The following TNS1 variants were observed in gnomAD, a reference collection of about 807,000 sequenced individuals.
The protein encoded by TNS1 is tensin 1.
TNS1 carries 62 observed loss-of-function variants against 168.6 expected under a neutral mutation model. The ratio of observed to expected loss-of-function variants is 0.37; its 90% CI spans 0.30 to 0.45. TNS1 has a LOEUF of 0.45. TNS1 is among the 20% of genes least tolerant of loss of function. The pLI, the probability that TNS1 is intolerant of heterozygous loss-of-function variation, is 1.00. For synonymous variants in TNS1, 934 were observed against 933.2 expected, an observed-to-expected ratio of 1.00 and a Z score of -0.02; for missense variants, 2,240 against 2,339.4, an observed-to-expected ratio of 0.96 and a Z score of 0.88.
At chr2:217,936,560 C>T (rs898983931) in intron 3 of TNS1, among the ~76,000 whole-genome samples, 1 of 152,130 alleles carries the variant, frequency 6.6e-6, no homozygotes, top group Non-Finnish European at 1.5e-5. Flanking sequence ...TCCAGGAACC[C>T]AGGCCCTGGC....
At chr2:217,994,740 ATTTCCCC>A in intron 1 of TNS1, among the ~76,000 whole-genome samples, 1 of 152,130 alleles carries the variant, frequency 6.6e-6, no homozygotes, top group Non-Finnish European at 1.5e-5. Flanking sequence ...TTTACAAAAT[ATTTCCCC>A]CCTGGGGCCT....
At chr2:217,817,545 G>T in intron 24 of TNS1, 145 bp downstream of exon 24, 1 of 675,310 alleles carries the variant, frequency 1.5e-6, no homozygotes, top group Non-Finnish European at 2.5e-6. Context: ...TCTTTATACG[G>T]ATAAAGAAAC....
rs776818424 is a variant in TNS1, at chr2:217,813,193, T to TG, written c.4954+21dup. ...CAAGACTCAGGCCAGACTGTAGAGATGGGGGCAGGGGGACAGCTCACCGAA... is the reference window on the plus strand; with the variant it reads ...CAAGACTCAGGCCAGACTGTAGAGATGGGGGGCAGGGGGACAGCTCACCGAA... On this transcript the variant is annotated intron_variant, in intron 27 of 32. Coordinates refer to ENST00000682258, the MANE Select transcript of TNS1 (RefSeq NM_001387777.1). This position sits in a 1 kb window ranked among gnomAD's most constrained non-coding sequence, Gnocchi z 4.0. The TG allele has an allele frequency of 6.1e-5, 97 of 1,578,294 alleles. No individual in the cohort carries two copies. The highest frequency in any genetic ancestry group is 5.2e-4 in the Middle Eastern group (3 of 5,800).
rs1953748644 is a variant in TNS1 at position 217,906,693 on chromosome 2, AG to A, written c.271-309del. On this transcript the variant is annotated intron_variant, in intron 5 of 32. Transcript: ENST00000682258. ...CATAATTAGAACCTTGGCAGAGTCA[AG>A]ATTTGAACCGAAGTCCTTCATCTCC... 2.0e-5 allele frequency among the ~76,000 whole-genome samples: 3 copies of A among 152,282 alleles called. No individual in the cohort carries two copies. In the South Asian group the frequency reaches 6.2e-4, roughly 32 times the overall value.
chr2:217,875,992 T>A (rs1950172184), intron 18 of TNS1, among the ~76,000 whole-genome samples: 1 of 152,180 alleles, frequency 6.6e-6, no homozygotes, highest in Admixed American at 6.5e-5. Flanking sequence ...AGGTTTGTCA[T>A]TCCCCTGAGT....
At chr2:217,980,046 A>G (rs1254121405) in intron 2 of TNS1, among the ~76,000 whole-genome samples, 1 of 152,056 alleles carries the variant, frequency 6.6e-6, no homozygotes, top group Non-Finnish European at 1.5e-5. Flanking sequence ...CTGAGGCAGA[A>G]GGGGCTGGGC....
At chr2:218,019,706 A>T (rs956731471) in intron 1 of TNS1, among the ~76,000 whole-genome samples, 7 of 152,194 alleles carry the variant, frequency 4.6e-5, no homozygotes, top group Non-Finnish European at 1.0e-4. Context: ...GGAGTCCATA[A>T]AGGGGAAATC....
chr2:217,847,370 G>A, intron 19 of TNS1, 140 bp downstream of exon 19: 1 of 752,628 alleles, frequency 1.3e-6, no homozygotes, highest in South Asian at 4.9e-5. Context: ...AGGGATAACT[G>A]GCTAGCATAT....
At position 217,811,512 on chromosome 2, in the gene TNS1, A is replaced by T. The variant is rs1038383650; in HGVS notation, c.5032+856T>A. Among the ~76,000 whole-genome samples the T allele has an allele frequency of 3.3e-5, 5 of 152,294 alleles. No individual in the cohort carries two copies. In the South Asian group the frequency reaches 8.3e-4, roughly 25 times the overall value. Reference sequence around the variant, plus strand: ...AGCCCCAGGAGCTCCAAGAAAGACTAGAAAAAAATCCTAGGGCCACAGCCT... The same window carrying T: ...AGCCCCAGGAGCTCCAAGAAAGACTTGAAAAAAATCCTAGGGCCACAGCCT... On this transcript the variant is annotated intron_variant, in intron 28 of 32. Transcript: ENST00000682258.
intron 4 of TNS1, among the ~76,000 whole-genome samples, chr2:217,917,501 T>A (rs1438312991): frequency 6.6e-6 from 1 of 151,960 alleles, no homozygotes; most frequent in Non-Finnish European, 1.5e-5. Flanking sequence ...GGAGACTGGG[T>A]GCTGGGGAAA....
In TNS1 at chr2:217,821,445, G is replaced by C. The variant is rs541406673; in HGVS notation, c.3572+295C>G. On this transcript the variant is annotated intron_variant, in intron 23 of 32. Transcript: ENST00000682258. ...ATTACTGTTGGTAGATTTTCAACTT[G>C]GGGAAGGACTTTGCCACATTCACCG... Among the ~76,000 whole-genome samples, 10 of 152,292 alleles carry C rather than the reference G, an allele frequency of 6.6e-5. No homozygotes were observed. The East Asian group carries it at 1.7e-3, about 26-fold the overall frequency.
intron 9 of TNS1, 112 bp from the exon 10 acceptor site, chr2:217,893,673 G>A: frequency 6.9e-6 from 10 of 1,445,492 alleles, no homozygotes; most frequent in Non-Finnish European, 8.3e-6. Flanking sequence ...CGCAGCTGCT[G>A]GTTCCTGCCA....
intron 4 of TNS1, among the ~76,000 whole-genome samples, chr2:217,917,041 C>CCCGT (rs1392292716): frequency 1.3e-5 from 2 of 152,236 alleles, no homozygotes; most frequent in African/African-American, 4.8e-5. Flanking sequence ...GCCTCGCCCG[C>CCCGT]CCGTGAGGAA....
intron 17 of TNS1, 65 bp downstream of exon 17, chr2:217,882,281 G>A: frequency 9.0e-7 from 1 of 1,116,254 alleles, no homozygotes; most frequent in Non-Finnish European, 1.3e-6. Flanking sequence ...GGGGTGGAAG[G>A]GTGCTGGGGA....
intron 18 of TNS1, among the ~76,000 whole-genome samples, chr2:217,868,091 G>T (rs571879510): frequency 2.0e-4 from 30 of 152,386 alleles, no homozygotes; most frequent in African/African-American, 5.8e-4. Flanking sequence ...CCGGTACAGA[G>T]TAAGCACTCA....
At chr2:217,912,722 TGTGAGATGGCAC>T (rs778381089) in intron 4 of TNS1, among the ~76,000 whole-genome samples, 37 of 152,310 alleles carry the variant, frequency 2.4e-4, no homozygotes, top group Non-Finnish European at 5.0e-4. Context: ...CATGGCAGGC[TGTGAGATGGCAC>T]GTTAGAGGTG....
In TNS1 at chr2:217,974,148, C is replaced by A. The variant is rs374716532; in HGVS notation, c.186+4617G>T. The stretch of plus-strand genomic sequence containing the variant: ...TTTGGGGTATATTGACTTGAAGGAA[C>A]ATAAGGGTTGCTTTTTGGGTGCTGG... On this transcript the variant is annotated intron_variant, in intron 3 of 32. Coordinates refer to ENST00000682258, the MANE Select transcript of TNS1 (RefSeq NM_001387777.1). 5.9e-5 allele frequency among the ~76,000 whole-genome samples: 9 copies of A among 152,182 alleles called. No individual in the cohort carries two copies. In the East Asian group the frequency reaches 1.3e-3, roughly 23 times the overall value.
rs1957165749 is a variant in TNS1 at position 217,948,391 on chromosome 2, T to C, written c.187-28155A>G. On this transcript the variant is annotated intron_variant, in intron 3 of 32. Transcript: ENST00000682258. This position sits in a 1 kb window ranked among gnomAD's most constrained non-coding sequence, Gnocchi z 4.1. ...GGGAGAGGCCACTGGGGCACCGCTC[T>C]GCTTCCTTCCCAAGATGTCCTGGGG... is the stretch of plus-strand genomic sequence containing the variant. 6.6e-6 allele frequency among the ~76,000 whole-genome samples: 1 copy of C among 152,306 alleles called. No individual in the cohort carries two copies. Among genetic ancestry groups the C allele is most frequent in the East Asian group, 1.9e-4 (1 of 5,186 alleles).
In TNS1 at chr2:217,847,613, A is replaced by G; in HGVS notation, c.2904T>C (p.Thr968=). ...CCTTTGGTGAGAGCAGAGGCTGAGC[A>G]GTGAGGCCAGGGAGAGAGGCTGGGG... The part of the protein sequence containing the change: ...QQPPASLPGL[T]AQPLLSPKEA... The change falls in exon 19 of 33, where the codon ACT becomes ACC. Residue 968 remains threonine (T), a synonymous_variant. Coordinates refer to ENST00000682258, the MANE Select transcript of TNS1 (RefSeq NM_001387777.1). 1 of 1,567,318 alleles carries G rather than the reference A, an allele frequency of 6.4e-7. No homozygotes were observed.
Sources: gnomAD v4.1 joint callset for allele counts (sites outside exome capture counted in the v4.1 genomes callset) on GRCh38, gnomAD v4.1.1 for gene constraint, Gnocchi (gnomAD v3.1) non-coding constraint, MANE v1.5 for transcripts, NCBI Gene and HGNC (gene_info 2026-07-23, HGNC 2026-07-21) for gene names.